Variants in ADAMTS17 observed in about 807,000 individuals in gnomAD.
The protein encoded by ADAMTS17 is A disintegrin and metalloproteinase with thrombospondin motifs 17.
ADAMTS17 carries 113 observed loss-of-function variants against 141.5 expected under a neutral mutation model. The ratio of observed to expected loss-of-function variants is 0.80; its 90% confidence interval spans 0.69 to 0.93. The LOEUF (loss-of-function observed/expected upper bound fraction) is 0.93, where lower values mean the gene tolerates loss of function less well. ADAMTS17 is among the 40% of genes least tolerant of loss of function. The pLI is 0.00. For missense variants in ADAMTS17, 1,659 were observed against 1,517.9 expected (o/e 1.09, Z -1.54); for synonymous variants, 768 against 630.6 (o/e 1.22, Z -3.27).
intron 12 of ADAMTS17, among the ~76,000 whole-genome samples, chr15:100,127,552 C>T (rs1382626286): frequency 6.6e-6 from 1 of 152,188 alleles, no homozygotes; most frequent in Admixed American, 6.5e-5. Context: ...GGCAAGTTAC[C>T]AAACTTCAAT....
chr15:100,050,644 A>T (rs1256699501), intron 17 of ADAMTS17, among the ~76,000 whole-genome samples: 1 of 152,216 alleles, frequency 6.6e-6, no homozygotes, highest in Non-Finnish European at 1.5e-5. Flanking sequence ...TACATATTGG[A>T]CATCTAACAA....
In ADAMTS17 at chr15:99,993,795, C is replaced by A. The variant is rs2060739770; in HGVS notation, c.2797-595G>T. Among the ~76,000 whole-genome samples the A allele has an allele frequency of 6.6e-6, 1 of 152,198 alleles. No homozygotes were observed. The highest frequency in any genetic ancestry group is 1.5e-5 in the Non-Finnish European group (1 of 68,040). On this transcript the variant is annotated intron_variant, in intron 19 of 21. Transcript: ENST00000268070. This position sits in a 1 kb window ranked among gnomAD's most constrained non-coding sequence, Gnocchi z 4.3. ...GCTCCAGTGAATGTCTGAATGCAGA[C>A]ACCAAGAATGGTGACAGACGCATGG...
intron 8 of ADAMTS17, among the ~76,000 whole-genome samples, chr15:100,189,382 C>T (rs1371015309): frequency 2.0e-5 from 3 of 152,210 alleles, no homozygotes; most frequent in Non-Finnish European, 2.9e-5. Flanking sequence ...AGGAAGTTGG[C>T]TGCCTTTTTC....
chr15:100,162,866 ATATAAC>A (rs1016617609), intron 8 of ADAMTS17, among the ~76,000 whole-genome samples: 8 of 146,472 alleles, frequency 5.5e-5, no homozygotes, highest in South Asian at 2.1e-4. Context: ...CTGTGTATAT[ATATAAC>A]TATATGTATA....
intron 7 of ADAMTS17, among the ~76,000 whole-genome samples, chr15:100,224,559 T>C (rs1027308819): frequency 6.6e-6 from 1 of 152,226 alleles, no homozygotes; most frequent in Non-Finnish European, 1.5e-5. Flanking sequence ...ACGCTTGCCA[T>C]TGTGCAGAGG....
chr15:100,077,315 A>T (rs2141782219), intron 15 of ADAMTS17, among the ~76,000 whole-genome samples: 1 of 119,764 alleles, frequency 8.3e-6, no homozygotes, highest in African/African-American at 2.9e-5. Flanking sequence ...AAAAAAAATT[A>T]GCCTGGCATG....
intron 6 of ADAMTS17, 120 bp from the exon 7 acceptor site, chr15:100,254,299 C>A (rs923671142): frequency 3.7e-4 from 330 of 903,944 alleles, no homozygotes; most frequent in Non-Finnish European, 4.5e-4. Context: ...TGGACACAGG[C>A]CACAGCGAAT....
At chr15:100,258,425 A>G (rs1204415055) in intron 6 of ADAMTS17, among the ~76,000 whole-genome samples, 1 of 152,218 alleles carries the variant, frequency 6.6e-6, no homozygotes, top group Non-Finnish European at 1.5e-5. Context: ...CACACCACTG[A>G]TAAAGACATA....
intron 15 of ADAMTS17, among the ~76,000 whole-genome samples, chr15:100,089,642 C>G (rs2035326156): frequency 6.6e-6 from 1 of 151,930 alleles, no homozygotes; most frequent in Admixed American, 6.6e-5. Context: ...CCATGGAATA[C>G]TATGCAGCCA....
intron 13 of ADAMTS17, among the ~76,000 whole-genome samples, chr15:100,110,229 TTATA>T (rs72253769): frequency 0.28 from 37,256 of 134,116 alleles, 5,247 homozygotes; most frequent in East Asian, 0.37. Context: ...TTTTATATAT[TTATA>T]TAAATATATA....
intron 10 of ADAMTS17, among the ~76,000 whole-genome samples, chr15:100,137,121 G>A (rs1048915895): frequency 6.6e-6 from 1 of 152,174 alleles, no homozygotes; most frequent in African/African-American, 2.4e-5. Context: ...GACGACCCTT[G>A]GCCAACTAAG....
chr15:100,247,211 G>A (rs2043015632), intron 7 of ADAMTS17, among the ~76,000 whole-genome samples: 1 of 152,062 alleles, frequency 6.6e-6, no homozygotes, highest in Non-Finnish European at 1.5e-5. Context: ...CTAACACACA[G>A]TCTGGAAGCA....
intron 15 of ADAMTS17, among the ~76,000 whole-genome samples, chr15:100,078,772 G>A (rs1398518028): frequency 6.6e-6 from 1 of 152,168 alleles, no homozygotes; most frequent in African/African-American, 2.4e-5. Flanking sequence ...TCAAGAGAGT[G>A]AAAAGCCAAC....
chr15:100,181,964 G>A (rs956826892), intron 8 of ADAMTS17, among the ~76,000 whole-genome samples: 12 of 152,206 alleles, frequency 7.9e-5, no homozygotes, highest in African/African-American at 1.9e-4. Flanking sequence ...TTTAGCCCAC[G>A]AAGGCGAGGC....
intron 10 of ADAMTS17, among the ~76,000 whole-genome samples, chr15:100,140,840 C>A (rs559056253): frequency 6.6e-6 from 1 of 152,044 alleles, no homozygotes; most frequent in African/African-American, 2.4e-5. Context: ...TGAGATGGGG[C>A]GCTCTGTGCT....
chr15:100,101,663 G>A (rs1481396658), intron 14 of ADAMTS17, among the ~76,000 whole-genome samples: 1 of 152,218 alleles, frequency 6.6e-6, no homozygotes, highest in East Asian at 1.9e-4. Flanking sequence ...GTGGTATTAA[G>A]CACATGTGTG....
At chr15:100,227,556 A>T (rs1233830099) in intron 7 of ADAMTS17, among the ~76,000 whole-genome samples, 1 of 152,244 alleles carries the variant, frequency 6.6e-6, no homozygotes, top group African/African-American at 2.4e-5. Flanking sequence ...TGGATTGATC[A>T]GGCAGCCCAG....
intron 7 of ADAMTS17, among the ~76,000 whole-genome samples, chr15:100,239,124 G>A (rs79809865): frequency 0.013 from 1,954 of 152,292 alleles, 29 homozygotes; most frequent in Middle Eastern, 0.065. Flanking sequence ...AGGAAAGACT[G>A]TAACCCAACC....
chr15:100,182,962 C>A (rs2040577583), intron 8 of ADAMTS17, among the ~76,000 whole-genome samples: 1 of 152,218 alleles, frequency 6.6e-6, no homozygotes, highest in African/African-American at 2.4e-5. Context: ...GTGCCACAAT[C>A]TTTATCCTTT....
Sources: allele counts gnomAD v4.1 joint callset (sites outside exome capture counted in the v4.1 genomes callset), GRCh38; gene constraint gnomAD v4.1.1; non-coding constraint Gnocchi (gnomAD v3.1); transcripts MANE v1.5; gene names NCBI Gene and HGNC (gene_info 2026-07-23, HGNC 2026-07-21).